ADGRL1: variants seen among roughly 807,000 people sequenced by gnomAD.
ADGRL1 encodes the protein adhesion G protein-coupled receptor L1.
In ADGRL1, 31 loss-of-function variants were observed where a neutral mutation model predicts 148.9. The observed-to-expected ratio is 0.21, with a 90% confidence interval of 0.16 to 0.28. The LOEUF (loss-of-function observed/expected upper bound fraction) is 0.28. Ranked by LOEUF, ADGRL1 falls within the 10% of genes least tolerant of loss-of-function variation. ADGRL1 has a pLI of 1.00. For missense variants in ADGRL1, 1,521 were observed against 2,058.8 expected, an observed-to-expected ratio of 0.74 and a Z score of 5.05; for synonymous variants, 937 against 900.3, an observed-to-expected ratio of 1.04 and a Z score of -0.73.
chr19:14,200,823 G>A (rs1972553862), intron 1 of ADGRL1, among the ~76,000 whole-genome samples: 2 of 151,774 alleles, frequency 1.3e-5, no homozygotes, highest in South Asian at 4.2e-4. Flanking sequence ...TCGCTTTGTC[G>A]CCCAGGCTGG....
rs1599451655 is a variant in ADGRL1 at position 14,170,486 on chromosome 19, A to T, written c.394+196T>A. The T allele has an allele frequency of 2.9e-5, 15 of 520,466 alleles. No individual in the cohort carries two copies. The East Asian group carries it at 5.0e-4, about 18-fold the overall frequency. 32.2% of individuals were successfully genotyped at this position (520,466 alleles called of 1,614,324 possible). ...CCCACAGGAGGGGACAGAGTCTGTG[A>T]GGCGGGGGAGCAGGCACTGAGTGTG... On this transcript the variant is annotated intron_variant, in intron 4 of 22. Transcript: ENST00000361434.
At chr19:14,164,386 T>C (rs1290675259) in intron 4 of ADGRL1, among the ~76,000 whole-genome samples, 6 of 152,146 alleles carry the variant, frequency 3.9e-5, no homozygotes, top group Admixed American at 3.9e-4. Context: ...GGCGAGGTCC[T>C]GGCTCCGTGG....
intron 1 of ADGRL1, among the ~76,000 whole-genome samples, chr19:14,184,343 G>A (rs1971426600): frequency 6.6e-6 from 1 of 152,056 alleles, no homozygotes; most frequent in Admixed American, 6.5e-5. Flanking sequence ...GGGAGATGGG[G>A]GAGGGGTGAG....
intron 16 of ADGRL1, 90 bp from the exon 17 acceptor site, chr19:14,156,291 C>T (rs1018415917): frequency 1.9e-6 from 2 of 1,034,904 alleles, no homozygotes; most frequent in African/African-American, 3.1e-5. Flanking sequence ...GGCGAAATCT[C>T]AGCTGTGGCC....
chr19:14,181,171 C>A (rs763337060), intron 2 of ADGRL1, among the ~76,000 whole-genome samples: 19 of 152,368 alleles, frequency 1.2e-4, no homozygotes, highest in Non-Finnish European at 2.6e-4. Flanking sequence ...TCATTGGTGT[C>A]AGAAGTGAGG....
intron 1 of ADGRL1, among the ~76,000 whole-genome samples, chr19:14,199,013 C>T (rs1356314245): frequency 7.9e-5 from 12 of 152,200 alleles, no homozygotes; most frequent in Non-Finnish European, 1.6e-4. Flanking sequence ...GGCACAGAGG[C>T]GGGATCCCCC....
Position 14,155,346 on chromosome 19 carries a change from G to C in ADGRL1, c.3294+13C>G, listed in dbSNP as rs756585289. On this transcript the variant is annotated intron_variant, in intron 18 of 22. Coordinates refer to ENST00000361434, the MANE Select transcript of ADGRL1 (RefSeq NM_014921.5). This position sits in a 1 kb window ranked among gnomAD's most constrained non-coding sequence, Gnocchi z 5.0. Reference sequence around the variant, plus strand: ...AAGGGAGGCTGTGACCCAGGACCCCGCCTCGACCTCACCTTCTTCTGTAAG... The same window carrying C: ...AAGGGAGGCTGTGACCCAGGACCCCCCCTCGACCTCACCTTCTTCTGTAAG... The C allele has an allele frequency of 6.2e-7, 1 of 1,612,484 alleles. No individual in the cohort carries two copies. Among genetic ancestry groups the C allele is most frequent in the Non-Finnish European group, 8.5e-7 (1 of 1,179,002 alleles).
chr19:14,164,197 G>GGGCGCCCAGCCC (rs1969727265), intron 4 of ADGRL1, among the ~76,000 whole-genome samples: 1 of 152,022 alleles, frequency 6.6e-6, no homozygotes, highest in Non-Finnish European at 1.5e-5. Context: ...CCCTCCTGGA[G>GGGCGCCCAGCCC]GGCGCCCAGC....
chr19:14,183,324 G>T (rs907087529), intron 2 of ADGRL1, among the ~76,000 whole-genome samples: 1 of 152,120 alleles, frequency 6.6e-6, no homozygotes, highest in African/African-American at 2.4e-5. Flanking sequence ...CGACTTGTTG[G>T]AGGTAAGAGG....
intron 2 of ADGRL1, among the ~76,000 whole-genome samples, chr19:14,181,877 C>T (rs979068777): frequency 6.6e-6 from 1 of 152,190 alleles, no homozygotes; most frequent in African/African-American, 2.4e-5. Flanking sequence ...GAGCATGGCA[C>T]CCTGCACACG....
At chr19:14,184,646 A>ATTTTTTTTT (rs368698858) in intron 1 of ADGRL1, among the ~76,000 whole-genome samples, 1 of 97,732 alleles carries the variant, frequency 1.0e-5, no homozygotes, top group Admixed American at 1.1e-4. Flanking sequence ...TTATTTATTT[A>ATTTTTTTTT]TTTTTTTTTC....
At chr19:14,173,001 C>T (rs769652048) in intron 3 of ADGRL1, among the ~76,000 whole-genome samples, 6 of 152,082 alleles carry the variant, frequency 3.9e-5, no homozygotes, top group Non-Finnish European at 8.8e-5. Flanking sequence ...GCTCTGTCAC[C>T]GAGGCTGGAG....
chr19:14,181,534 C>T (rs1457309943), intron 2 of ADGRL1, among the ~76,000 whole-genome samples: 1 of 152,118 alleles, frequency 6.6e-6, no homozygotes, highest in Non-Finnish European at 1.5e-5. Flanking sequence ...GCCTGGCCAA[C>T]ATGGTGAAAC....
At chr19:14,200,569 C>T (rs1972535075) in intron 1 of ADGRL1, among the ~76,000 whole-genome samples, 1 of 152,206 alleles carries the variant, frequency 6.6e-6, no homozygotes, top group Non-Finnish European at 1.5e-5. Context: ...GATTTACCAT[C>T]GGGCTTTCTA....
chr19:14,189,122 G>A (rs1039712435), intron 1 of ADGRL1, among the ~76,000 whole-genome samples: 1 of 151,772 alleles, frequency 6.6e-6, no homozygotes, highest in Non-Finnish European at 1.5e-5. Flanking sequence ...TCCCCTTGTC[G>A]CCCAGCCCTG....
chr19:14,204,684 CAGAG>C (rs1206158925), intron 1 of ADGRL1, among the ~76,000 whole-genome samples: 1 of 147,438 alleles, frequency 6.8e-6, no homozygotes, highest in Non-Finnish European at 1.5e-5. Context: ...GAGAGAAAGA[CAGAG>C]AGAGATAGAG....
rs1969318357 is a variant in ADGRL1 at position 14,161,085 on chromosome 19, G to A, written c.1510+227C>T. On this transcript the variant is annotated intron_variant, in intron 6 of 22. Transcript: ENST00000361434. The surrounding 1 kb of genome is among the most constrained non-coding windows in gnomAD (Gnocchi z 4.4). ...CTGGGGCTGTGGCAGGTCAGCCTGAGGCCGGGAGCCAGGTCACCTCCTGCG... is the reference window on the plus strand; with the variant it reads ...CTGGGGCTGTGGCAGGTCAGCCTGAAGCCGGGAGCCAGGTCACCTCCTGCG... Among the ~76,000 whole-genome samples the A allele has an allele frequency of 6.6e-6, 1 of 151,916 alleles. No homozygotes were observed. Among genetic ancestry groups the A allele is most frequent in the Non-Finnish European group, 1.5e-5 (1 of 67,964 alleles).
rs148486592 is a variant in ADGRL1 at position 14,152,122 on chromosome 19, G to A, written c.3667+11C>T. The A allele has an allele frequency of 0.017, 28,160 of 1,613,128 alleles. 312 individuals carry two copies. The highest frequency in any genetic ancestry group is 0.02 in the Non-Finnish European group (23,945 of 1,179,094). ...GCCTCAGAAACATCCCCAGGGAAGA[G>A]TCACACTTACTGGGTTCCCGGTAGC... On this transcript the variant is annotated intron_variant, in intron 22 of 22. Coordinates refer to ENST00000361434, the MANE Select transcript of ADGRL1 (RefSeq NM_014921.5). The surrounding 1 kb of genome is among the most constrained non-coding windows in gnomAD (Gnocchi z 6.1).
At chr19:14,168,582 C>T (rs552564323) in intron 4 of ADGRL1, among the ~76,000 whole-genome samples, 5 of 152,192 alleles carry the variant, frequency 3.3e-5, no homozygotes, top group Admixed American at 2.0e-4. Flanking sequence ...CCCTGGACCA[C>T]GCTCAGGGCC....
Sources: gnomAD v4.1 joint callset for allele counts (sites outside exome capture counted in the v4.1 genomes callset) on GRCh38, gnomAD v4.1.1 for gene constraint, Gnocchi (gnomAD v3.1) non-coding constraint, MANE v1.5 for transcripts, NCBI Gene and HGNC (gene_info 2026-07-23, HGNC 2026-07-21) for gene names.